SERAC1: variants seen among roughly 807,000 people sequenced by gnomAD.
SERAC1 encodes the protein serine active site containing 1.
SERAC1 carries 36 observed loss-of-function variants against 85.7 expected under a neutral mutation model. The ratio of observed to expected loss-of-function variants is 0.42; its 90% CI spans 0.32 to 0.55. The LOEUF is 0.55. Among genes scored for constraint, SERAC1 ranks in the 20% least tolerant of loss-of-function variants. The pLI, the probability that SERAC1 is intolerant of heterozygous loss-of-function variation, is 0.11. For synonymous variants in SERAC1, 242 were observed against 265.3 expected, an observed-to-expected ratio of 0.91 and a Z score of 0.85; for missense variants, 629 against 796.2, an observed-to-expected ratio of 0.79 and a Z score of 2.53.
intron 5 of SERAC1, among the ~76,000 whole-genome samples, chr6:158,147,443 G>A (rs911142252): frequency 2.0e-5 from 3 of 151,648 alleles, no homozygotes; most frequent in Non-Finnish European, 4.4e-5. Flanking sequence ...TTTTCAAAAA[G>A]ATCAAATATA....
At chr6:158,151,838 G>A (rs1029212497) in intron 3 of SERAC1, among the ~76,000 whole-genome samples, 23 of 151,558 alleles carry the variant, frequency 1.5e-4, no homozygotes, top group African/African-American at 5.3e-4. Context: ...AATTACAAAA[G>A]TCAAAAAGTT....
At chr6:158,163,562 T>A (rs1403343144) in intron 1 of SERAC1, among the ~76,000 whole-genome samples, 1 of 152,150 alleles carries the variant, frequency 6.6e-6, no homozygotes, top group Non-Finnish European at 1.5e-5. Flanking sequence ...GGAGGACTGC[T>A]GGAGCTCAGG....
At chr6:158,124,748 AACACACACACACACACAC>A (rs201023302) in intron 10 of SERAC1, among the ~76,000 whole-genome samples, 9 of 131,404 alleles carry the variant, frequency 6.8e-5, no homozygotes, top group African/African-American at 2.4e-4. Flanking sequence ...AATGCTGGAA[AACACACACACACACACAC>A]ACACACACAC....
intron 2 of SERAC1, among the ~76,000 whole-genome samples, chr6:158,156,996 CTATA>C (rs112367425): frequency 2.0e-5 from 2 of 99,628 alleles, no homozygotes; most frequent in Non-Finnish European, 4.3e-5. Flanking sequence ...TACATATAAA[CTATA>C]TATATATATA....
At chr6:158,142,627 C>T (rs914155943) in intron 8 of SERAC1, among the ~76,000 whole-genome samples, 2 of 152,118 alleles carry the variant, frequency 1.3e-5, no homozygotes, top group African/African-American at 4.8e-5. Flanking sequence ...TGGGCATGTG[C>T]CACCACGCCC....
At chr6:158,135,914 A>T (rs529283946) in intron 8 of SERAC1, among the ~76,000 whole-genome samples, 1 of 152,232 alleles carries the variant, frequency 6.6e-6, no homozygotes, top group East Asian at 1.9e-4. Flanking sequence ...GGTTCACACC[A>T]TTCTCCTGCC....
chr6:158,130,875 TAATC>T (rs1784656543), intron 8 of SERAC1, among the ~76,000 whole-genome samples: 1 of 152,196 alleles, frequency 6.6e-6, no homozygotes, highest in Non-Finnish European at 1.5e-5. Context: ...TAAAGTCTAA[TAATC>T]AATATAATTC....
chr6:158,154,775 A>T (rs1370182136), intron 3 of SERAC1, among the ~76,000 whole-genome samples: 1 of 152,156 alleles, frequency 6.6e-6, no homozygotes, highest in Non-Finnish European at 1.5e-5. Context: ...ACCATAGTCA[A>T]TTTGTACCTT....
intron 10 of SERAC1, among the ~76,000 whole-genome samples, chr6:158,121,764 T>C (rs546463874): frequency 2.0e-4 from 31 of 152,310 alleles, no homozygotes; most frequent in Non-Finnish European, 3.7e-4. Context: ...TAGACAAGTA[T>C]GTTATTGGTA....
chr6:158,154,102 C>G (rs893341362), intron 3 of SERAC1, among the ~76,000 whole-genome samples: 2 of 141,288 alleles, frequency 1.4e-5, no homozygotes, highest in Non-Finnish European at 3.0e-5. Context: ...AGAGGCTGCA[C>G]TGAGTGGAGA....
Position 158,143,152 on chromosome 6 carries a change from C to A in SERAC1, c.642G>T (p.Leu214Phe). Residue 214 changes from leucine to phenylalanine, a missense_variant, in exon 8 of 17, where the codon TTG becomes TTT. By Grantham distance (22) the Leu-to-Phe change is conservative (BLOSUM62 0). Transcript: ENST00000647468. The part of the protein sequence containing the change: ...DSSTEEELRQ[L>F]LASLPQTELD... ...GCTCTGTTTGAGGTAAGGAAGCCAG[C>A]AACTGTCTGAGCTCTTCTTCAGTGG... The A allele has an allele frequency of 6.2e-7, 1 of 1,613,632 alleles. No individual in the cohort carries two copies. The highest frequency in any genetic ancestry group is 8.5e-7 in the Non-Finnish European group (1 of 1,179,732).
chr6:158,118,253 CTG>C lies in SERAC1; in HGVS notation c.1309-434_1309-433del, dbSNP rs913043433. 5.3e-5 allele frequency among the ~76,000 whole-genome samples: 8 copies of C among 152,260 alleles called. No homozygotes were observed. The South Asian group carries it at 1.2e-3, about 24-fold the overall frequency. ...GTATACCCTAGGTCTATCATCATCT[CTG>C]TACTTCAGTGCCACCAGAAAGTGCA... On this transcript the variant is annotated intron_variant, in intron 12 of 16. Coordinates refer to ENST00000647468, the MANE Select transcript of SERAC1 (RefSeq NM_032861.4).
At chr6:158,161,446 G>A (rs1329792064) in intron 1 of SERAC1, 1 of 151,704 alleles carries the variant, frequency 6.6e-6, no homozygotes, top group Non-Finnish European at 1.5e-5. Flanking sequence ...TAGAATAACA[G>A]TAGGTTTCCT....
intron 7 of SERAC1, 94 bp downstream of exon 7, chr6:158,144,189 GTGAGAAGTAGCCAACA>G: frequency 1.3e-6 from 1 of 798,992 alleles, no homozygotes; most frequent in South Asian, 2.3e-5. Context: ...TTATCTGCTT[GTGAGAAGTAGCCAACA>G]ACTACTTTTT....
At chr6:158,142,679 G>A (rs1047714846) in intron 8 of SERAC1, among the ~76,000 whole-genome samples, 8 of 152,212 alleles carry the variant, frequency 5.3e-5, no homozygotes, top group Admixed American at 3.9e-4. Context: ...GTTTCACCAC[G>A]TTGGCCAGGA....
chr6:158,154,159 CA>C (rs3041474), intron 3 of SERAC1, among the ~76,000 whole-genome samples: 403 of 66,034 alleles, frequency 6.1e-3, no homozygotes, highest in Non-Finnish European at 7.3e-3. Context: ...AACTCTGTCT[CA>C]AAAAAAAAAA....
At chr6:158,164,608 A>G (rs1437782111) in intron 1 of SERAC1, among the ~76,000 whole-genome samples, 1 of 152,174 alleles carries the variant, frequency 6.6e-6, no homozygotes, top group East Asian at 1.9e-4. Context: ...TTTAAAAATA[A>G]AACAAATATT....
At chr6:158,136,396 GTAT>G (rs1459610887) in intron 8 of SERAC1, among the ~76,000 whole-genome samples, 1 of 152,164 alleles carries the variant, frequency 6.6e-6, no homozygotes, top group Non-Finnish European at 1.5e-5. Flanking sequence ...GGAGTCCATG[GTAT>G]TCAAAGGTTA....
rs1399571471 is a variant in SERAC1 at position 158,147,043 on chromosome 6, T to C, written c.356-130A>G. 4.0e-5 allele frequency: 33 copies of C among 822,098 alleles called. No individual in the cohort carries two copies. The East Asian group carries it at 9.4e-4, about 23-fold the overall frequency. The allele number at this position is 822,098 out of a possible 1,614,324, so 50.9% of individuals were successfully genotyped here. The stretch of plus-strand genomic sequence containing the variant: ...TTAAATCCATATATATAGGTATTGA[T>C]AAAAACTAATATTATTTGTTCTCAA... On this transcript the variant is annotated intron_variant, in intron 5 of 16. Coordinates refer to ENST00000647468, the MANE Select transcript of SERAC1 (RefSeq NM_032861.4).
Sources: allele counts gnomAD v4.1 joint callset (sites outside exome capture counted in the v4.1 genomes callset), GRCh38; gene constraint gnomAD v4.1.1; transcripts MANE v1.5; gene names NCBI Gene and HGNC (gene_info 2026-07-23, HGNC 2026-07-21).